The following TRIO variants were observed in gnomAD, a reference collection of about 807,000 sequenced individuals.
TRIO encodes trio Rho guanine nucleotide exchange factor.
A neutral mutation model predicts 351.9 loss-of-function variants in TRIO; 58 were observed. That is an observed-to-expected ratio of 0.16 (90% CI 0.13 to 0.21). The LOEUF (loss-of-function observed/expected upper bound fraction) is 0.21, where lower values mean the gene tolerates loss of function less well. Among genes scored for constraint, TRIO ranks in the 10% least tolerant of loss-of-function variants. The pLI is 1.00. For missense variants in TRIO, 3,201 were observed against 4,027.8 expected, an observed-to-expected ratio of 0.79 and a Z score of 5.56; for synonymous variants, 1,758 against 1,595.7, an observed-to-expected ratio of 1.10 and a Z score of -2.42.
chr5:14,202,568 T>C (rs1247743045), intron 1 of TRIO, among the ~76,000 whole-genome samples: 1 of 151,670 alleles, frequency 6.6e-6, no homozygotes, highest in Admixed American at 6.6e-5. Flanking sequence ...AATTCCCACA[T>C]GTTGTGAGAG....
intron 11 of TRIO, among the ~76,000 whole-genome samples, chr5:14,340,814 T>G (rs1374445995): frequency 6.6e-6 from 1 of 152,152 alleles, no homozygotes; most frequent in African/African-American, 2.4e-5. Context: ...TAGACACTTG[T>G]TCCTGAGAAG....
Position 14,297,229 on chromosome 5 carries a change from A to G in TRIO, c.1334A>G (p.Asp445Gly). 1 of 1,614,136 alleles carries G rather than the reference A, an allele frequency of 6.2e-7. No homozygotes were observed. Among genetic ancestry groups the G allele is most frequent in the Non-Finnish European group, 8.5e-7 (1 of 1,180,010 alleles). The stretch of plus-strand genomic sequence containing the variant: ...CTGGATGAGCGGAGCACCTTGCTGG[A>G]CATGTCCTCCATTTTCCACCAGAAG... ...AALDERSTLL[D>G]MSSIFHQKAE... Residue 445 changes from aspartate to glycine, a missense_variant, in exon 7 of 57, where the codon GAC (aspartate) becomes GGC (glycine). Physicochemically the swap from Asp to Gly is moderately conservative, Grantham distance 94 (BLOSUM62 -1). Transcript: ENST00000344204.
intron 11 of TRIO, among the ~76,000 whole-genome samples, chr5:14,338,935 T>C (rs1741678461): frequency 6.6e-6 from 1 of 152,162 alleles, no homozygotes; most frequent in Non-Finnish European, 1.5e-5. Flanking sequence ...AGGGTCTAGC[T>C]TCCTTATAGG....
intron 1 of TRIO, among the ~76,000 whole-genome samples, chr5:14,153,417 G>A (rs909851583): frequency 5.9e-5 from 9 of 152,192 alleles, no homozygotes; most frequent in African/African-American, 2.2e-4. Flanking sequence ...TTAAGATACT[G>A]TGTTTATTTC....
intron 28 of TRIO, among the ~76,000 whole-genome samples, chr5:14,395,474 T>A (rs1306781529): frequency 6.6e-6 from 1 of 152,252 alleles, no homozygotes; most frequent in Non-Finnish European, 1.5e-5. Context: ...CAGAGGTTCT[T>A]CAGGAGAACA....
At chr5:14,428,851 G>T (rs1035014290) in intron 34 of TRIO, among the ~76,000 whole-genome samples, 1 of 152,196 alleles carries the variant, frequency 6.6e-6, no homozygotes, top group African/African-American at 2.4e-5. Context: ...CGAGGAGCTC[G>T]TGGGAAAAAT....
In TRIO at chr5:14,399,311, T is replaced by G. The variant is rs1747873056; in HGVS notation, c.4614+241T>G. ...TGCTCTTCTTAAATCCTGTATCATA[T>G]AACTGCAGGATAAGAAAACATTTCA... On this transcript the variant is annotated intron_variant, in intron 30 of 56. Transcript: ENST00000344204. The G allele has an allele frequency of 8.1e-6, 4 of 496,444 alleles. No homozygotes were observed. The South Asian group carries it at 1.3e-4, about 17-fold the overall frequency. The allele number at this position is 496,444 out of a possible 1,614,324, so 30.8% of individuals were successfully genotyped here.
At chr5:14,246,749 A>G (rs1581438313) in intron 1 of TRIO, among the ~76,000 whole-genome samples, 1 of 151,452 alleles carries the variant, frequency 6.6e-6, no homozygotes. Flanking sequence ...AAAGGGTAAC[A>G]CTCTTTTGAC....
chr5:14,215,489 A>G (rs1792162107), intron 1 of TRIO, among the ~76,000 whole-genome samples: 1 of 152,212 alleles, frequency 6.6e-6, no homozygotes, highest in South Asian at 2.1e-4. Context: ...TTCTTTATTC[A>G]GACCAACCTT....
Position 14,389,408 on chromosome 5 carries a change from T to C in TRIO, c.4058+10T>C. On this transcript the variant is annotated intron_variant, in intron 25 of 56. Transcript: ENST00000344204. ...ACGAATTTCATAATAAGTGAGTGGC[T>C]TTTTCTTTGGGAGCAGTTACGCTTG... 6.3e-7 allele frequency: 1 copy of C among 1,593,640 alleles called. No individual in the cohort carries two copies. The highest frequency in any genetic ancestry group is 8.6e-7 in the Non-Finnish European group (1 of 1,166,552).
In TRIO at chr5:14,286,984, A is replaced by T; in HGVS notation, c.461A>T (p.His154Leu). ...CAGGAGTCCTTCCCCTGCTGCATCC[A>T]TGTGGCCCTGATCATCAAGCCAGAC... ...ILQESFPCCI[H>L]VALIIKPDNF... The change falls in exon 4 of 57, where the codon CAT (histidine) becomes CTT (leucine). Residue 154 changes from histidine to leucine, a missense_variant. Coordinates refer to ENST00000344204, the MANE Select transcript of TRIO (RefSeq NM_007118.4). The surrounding 1 kb of genome is among the most constrained non-coding windows in gnomAD (Gnocchi z 4.4). 6.2e-7 allele frequency: 1 copy of T among 1,614,188 alleles called. No individual in the cohort carries two copies. The highest frequency in any genetic ancestry group is 8.5e-7 in the Non-Finnish European group (1 of 1,180,024).
intron 1 of TRIO, among the ~76,000 whole-genome samples, chr5:14,254,969 C>A (rs902764028): frequency 2.0e-5 from 3 of 152,058 alleles, no homozygotes; most frequent in Non-Finnish European, 4.4e-5. Context: ...ATGGGGTATC[C>A]TGTTCTTTTA....
intron 8 of TRIO, among the ~76,000 whole-genome samples, chr5:14,306,380 A>T (rs1297568659): frequency 6.6e-6 from 1 of 152,252 alleles, no homozygotes; most frequent in East Asian, 1.9e-4. Flanking sequence ...AATTGAACAC[A>T]TTTATAATTT....
Position 14,438,187 on chromosome 5 carries a change from C to T in TRIO, c.5203+18166C>T, listed in dbSNP as rs141031428. 2.2e-3 allele frequency among the ~76,000 whole-genome samples: 331 copies of T among 152,320 alleles called. 2 individuals are homozygous for T. Among genetic ancestry groups the T allele is most frequent in the Non-Finnish European group, 3.5e-3 (239 of 68,032 alleles). ...ACGTTTGTCTCTGACCCACCCCATT[C>T]GCTCCATTTTCACATCTCTCTCCTT... On this transcript the variant is annotated intron_variant, in intron 34 of 56. Transcript: ENST00000344204.
In TRIO at chr5:14,508,988, T is replaced by A. The variant is rs1757909032; in HGVS notation, c.*566T>A. On this transcript the variant is annotated 3_prime_UTR_variant, in exon 57 of 57. Coordinates refer to ENST00000344204, the MANE Select transcript of TRIO (RefSeq NM_007118.4). ...TAAAATAGAATGAATCGTTTTGCTCTGATGAAATGTAGGCCTTACTTGTAT... is the reference window on the plus strand; with the variant it reads ...TAAAATAGAATGAATCGTTTTGCTCAGATGAAATGTAGGCCTTACTTGTAT... The A allele has an allele frequency of 1.2e-5, 2 of 166,752 alleles. No individual in the cohort carries two copies. Among genetic ancestry groups the A allele is most frequent in the Admixed American group, 5.8e-5 (1 of 17,204 alleles). The allele number at this position is 166,752 out of a possible 1,614,324, so 10.3% of individuals were successfully genotyped here. A position where few individuals can be genotyped will look rare whatever the true frequency, so the allele number is the denominator to read the frequency against.
At position 14,286,266 on chromosome 5, in the gene TRIO, C is replaced by T. The variant is rs187171630; in HGVS notation, c.348-605C>T. On this transcript the variant is annotated intron_variant, in intron 3 of 56. Coordinates refer to ENST00000344204, the MANE Select transcript of TRIO (RefSeq NM_007118.4). This position sits in a 1 kb window ranked among gnomAD's most constrained non-coding sequence, Gnocchi z 4.4. ...CCTGCCAGAAGGGTGCCAAGAACTC[C>T]CAGGGACGGGTGGATGGTATGGAAA... 8.5e-5 allele frequency among the ~76,000 whole-genome samples: 13 copies of T among 152,148 alleles called. No homozygotes were observed. Among genetic ancestry groups the T allele is most frequent in the Admixed American group, 2.6e-4 (4 of 15,292 alleles).
intron 5 of TRIO, 72 bp downstream of exon 5, chr5:14,291,300 A>G: frequency 6.6e-7 from 1 of 1,513,292 alleles, no homozygotes; most frequent in Non-Finnish European, 8.9e-7. Context: ...GGTGGAAGGA[A>G]AGAGAAAAGG....
At chr5:14,334,091 C>T (rs1452615276) in intron 10 of TRIO, among the ~76,000 whole-genome samples, 1 of 152,236 alleles carries the variant, frequency 6.6e-6, no homozygotes, top group Non-Finnish European at 1.5e-5. Context: ...GGACAAGTTA[C>T]TGCACCCCTC....
intron 34 of TRIO, chr5:14,440,768 C>T (rs919976094): frequency 1.3e-5 from 2 of 152,170 alleles, no homozygotes; most frequent in African/African-American, 4.8e-5. Context: ...GACCTCCCTC[C>T]AGATGTACAC....
Sources: gnomAD v4.1 joint callset for allele counts (sites outside exome capture counted in the v4.1 genomes callset) on GRCh38, gnomAD v4.1.1 for gene constraint, Gnocchi (gnomAD v3.1) non-coding constraint, MANE v1.5 for transcripts, NCBI Gene and HGNC (gene_info 2026-07-23, HGNC 2026-07-21) for gene names.